HTR7: variants seen among roughly 807,000 people sequenced by gnomAD.
The protein encoded by HTR7 is 5-HT-7.
A neutral mutation model predicts 34.0 loss-of-function variants in HTR7; 16 were observed. That is an observed-to-expected ratio of 0.47 (90% CI 0.32 to 0.71). The LOEUF is 0.71. HTR7 is among the 30% of genes least tolerant of loss of function. The probability of loss-of-function intolerance (pLI) is 0.04; values close to 1 mark genes in which losing one functional copy is unlikely to be tolerated. For missense variants in HTR7, 504 were observed against 625.5 expected (o/e 0.81, Z 2.07); for synonymous variants, 265 against 260.2 (o/e 1.02, Z -0.18).
chr10:90,750,027 C>G (rs1589434869), intron 1 of HTR7, among the ~76,000 whole-genome samples: 2 of 152,328 alleles, frequency 1.3e-5, no homozygotes, highest in East Asian at 3.9e-4. Context: ...GTGATCACCC[C>G]AGCTGTCTTA....
Position 90,857,505 on chromosome 10 carries a change from G to T in HTR7, c.167C>A (p.Pro56Gln). 1.2e-6 allele frequency: 2 copies of T among 1,612,252 alleles called. No homozygotes were observed. The highest frequency in any genetic ancestry group is 1.7e-6 in the Non-Finnish European group (2 of 1,179,658). Residue 56 changes from proline (P) to glutamine (Q), a missense_variant, in exon 1 of 4, where the codon CCG (proline) becomes CAG (glutamine). Physicochemically the swap from Pro to Gln is moderately conservative, Grantham distance 76. This residue lies in a region of HTR7 where 139 missense variants were observed against 117.1 expected (regional missense o/e 1.19). Coordinates refer to ENST00000336152, the MANE Select transcript of HTR7 (RefSeq NM_019859.4). The surrounding 1 kb of genome is among the most constrained non-coding windows in gnomAD (Gnocchi z 6.5). ...PHLLSEVTASPAPTWDAPPDN... is the reference protein window; with the variant it reads ...PHLLSEVTASQAPTWDAPPDN... Reference sequence around the variant, plus strand: ...CGGGGGCGCGTCCCAGGTGGGCGCCGGGCTGGCTGTCACCTCGCTCAGCAG... The same window carrying T: ...CGGGGGCGCGTCCCAGGTGGGCGCCTGGCTGGCTGTCACCTCGCTCAGCAG...
At chr10:90,744,590 G>T in intron 2 of HTR7, among the ~76,000 whole-genome samples, 1 of 112,000 alleles carries the variant, frequency 8.9e-6, no homozygotes, top group South Asian at 3.5e-4. Flanking sequence ...GGGGTGGGCG[G>T]GGGGTTGCTG....
chr10:90,803,141 G>GC (rs1845655692), intron 1 of HTR7, among the ~76,000 whole-genome samples: 1 of 151,566 alleles, frequency 6.6e-6, no homozygotes, highest in Non-Finnish European at 1.5e-5. Context: ...AGATACCAAA[G>GC]CAAGTCTTAG....
chr10:90,855,915 A>G (rs1846572254), intron 1 of HTR7, among the ~76,000 whole-genome samples: 1 of 152,142 alleles, frequency 6.6e-6, no homozygotes, highest in African/African-American at 2.4e-5. Context: ...TATTTCCTTT[A>G]TTTAGTAATT....
In HTR7 at chr10:90,780,686, G is replaced by A. The variant is rs1272923644; in HGVS notation, c.540-31092C>T. ...GTGAGAGGCACAACACCACAGGGCAGTGGAACAGACCCACACTCACACACA... is the reference window on the plus strand; with the variant it reads ...GTGAGAGGCACAACACCACAGGGCAATGGAACAGACCCACACTCACACACA... On this transcript the variant is annotated intron_variant, in intron 1 of 3. Transcript: ENST00000336152. 2.0e-5 allele frequency among the ~76,000 whole-genome samples: 3 copies of A among 152,190 alleles called. No homozygotes were observed. In the South Asian group the frequency reaches 6.2e-4, roughly 31 times the overall value.
chr10:90,812,556 C>T (rs1845829890), intron 1 of HTR7, among the ~76,000 whole-genome samples: 3 of 152,184 alleles, frequency 2.0e-5, no homozygotes, highest in African/African-American at 7.2e-5. Flanking sequence ...AAAACCATAT[C>T]CAGGCCATCA....
chr10:90,772,479 C>T (rs373563948), intron 1 of HTR7, among the ~76,000 whole-genome samples: 5 of 152,154 alleles, frequency 3.3e-5, no homozygotes, highest in African/African-American at 9.7e-5. Context: ...CACACAAGTT[C>T]GGTTCAAAGG....
intron 1 of HTR7, among the ~76,000 whole-genome samples, chr10:90,771,981 TA>T (rs2119820904): frequency 6.6e-6 from 1 of 152,244 alleles, no homozygotes; most frequent in African/African-American, 2.4e-5. Context: ...TTTTTTAAAA[TA>T]ACTTTTTTTT....
chr10:90,788,264 A>G (rs1462472492), intron 1 of HTR7, among the ~76,000 whole-genome samples: 1 of 152,116 alleles, frequency 6.6e-6, no homozygotes, highest in Non-Finnish European at 1.5e-5. Context: ...ATTTACCAAA[A>G]ACGAAACACC....
chr10:90,745,594 A>G (rs1440884471), intron 2 of HTR7, among the ~76,000 whole-genome samples: 2 of 152,232 alleles, frequency 1.3e-5, no homozygotes, highest in Non-Finnish European at 2.9e-5. Context: ...TCCTCAATGC[A>G]TGGCAGCCAT....
intron 1 of HTR7, among the ~76,000 whole-genome samples, chr10:90,834,686 A>G (rs544790085): frequency 3.9e-5 from 6 of 152,270 alleles, no homozygotes; most frequent in Admixed American, 3.9e-4. Context: ...TCATTGTCCA[A>G]TGAGGGCTTC....
Position 90,743,630 on chromosome 10 carries a change from C to T in HTR7, c.1356G>A (p.Trp452Ter). 6.2e-7 allele frequency: 1 copy of T among 1,613,998 alleles called. No individual in the cohort carries two copies. Among genetic ancestry groups the T allele is most frequent in the East Asian group, 2.2e-5 (1 of 44,884 alleles). Reference sequence around the variant, plus strand: ...TGTGATGGTCTGGAGATTGTAGCACCCACACAGATACCGGTGGCCTCTTTT... The same window carrying T: ...TGTGATGGTCTGGAGATTGTAGCACTCACACAGATACCGGTGGCCTCTTTT... ...RPEKRPPVSV[W>*]VLQSPDHHNW... is the part of the protein sequence containing the mutation. Residue 452 changes from tryptophan (W) to a stop codon, truncating the protein, a stop_gained, in exon 3 of 4, where the codon TGG becomes TGA. Transcript: ENST00000336152. LOFTEE classifies it high-confidence loss of function.
chr10:90,810,419 A>ATCC (rs1845787669), intron 1 of HTR7, among the ~76,000 whole-genome samples: 1 of 152,094 alleles, frequency 6.6e-6, no homozygotes, highest in African/African-American at 2.4e-5. Context: ...CCAGTATCCC[A>ATCC]TCCCACAGCA....
chr10:90,743,630 CCA>C lies in HTR7; in HGVS notation c.1354_1355del (p.Trp452GlyfsTer27). On this transcript the variant is annotated frameshift_variant, in exon 3 of 4. Coordinates refer to ENST00000336152, the MANE Select transcript of HTR7 (RefSeq NM_019859.4). LOFTEE classifies it high-confidence loss of function. ...TGTGATGGTCTGGAGATTGTAGCACCCACACAGATACCGGTGGCCTCTTTTCT... is the reference window on the plus strand; with the variant it reads ...TGTGATGGTCTGGAGATTGTAGCACCCACAGATACCGGTGGCCTCTTTTCT... ...RPEKRPPVSVWVLQSPDHHNW... is the reference protein window; with the variant it reads ...RPEKRPPVSVXVLQSPDHHNW... 3 of 1,613,998 alleles carry C rather than the reference CCA, an allele frequency of 1.9e-6. No homozygotes were observed. The highest frequency in any genetic ancestry group is 2.5e-6 in the Non-Finnish European group (3 of 1,179,906).
At chr10:90,781,621 A>T (rs1275861697) in intron 1 of HTR7, among the ~76,000 whole-genome samples, 1 of 152,202 alleles carries the variant, frequency 6.6e-6, no homozygotes, top group Non-Finnish European at 1.5e-5. Context: ...GGAAATAAAA[A>T]ATCTGATTTC....
intron 1 of HTR7, among the ~76,000 whole-genome samples, chr10:90,819,127 T>C (rs1028408565): frequency 2.6e-5 from 4 of 152,096 alleles, no homozygotes. Context: ...ACACATAAAT[T>C]AGCCAGTCTC....
rs917548532 is a variant in HTR7 at position 90,748,971 on chromosome 10, T to C, written c.1163A>G (p.Asn388Ser). 6.2e-7 allele frequency: 1 copy of C among 1,614,176 alleles called. No individual in the cohort carries two copies. Among genetic ancestry groups the C allele is most frequent in the Non-Finnish European group, 8.5e-7 (1 of 1,180,018 alleles). Reference sequence around the variant, plus strand: ...GCGATAGGTGGTCCTCAGGTCCCGGTTGAAGAAGGCATATATAAAAGGGTT... The same window carrying C: ...GCGATAGGTGGTCCTCAGGTCCCGGCTGAAGAAGGCATATATAAAAGGGTT... The part of the protein sequence containing the change: ...LINPFIYAFF[N>S]RDLRTTYRSL... The change falls in exon 2 of 4, where the codon AAC becomes AGC. Residue 388 changes from asparagine (N) to serine (S), a missense_variant. Transcript: ENST00000336152.
intron 1 of HTR7, among the ~76,000 whole-genome samples, chr10:90,839,663 C>T (rs145647564): frequency 1.4e-4 from 21 of 152,046 alleles, no homozygotes; most frequent in African/African-American, 4.6e-4. Context: ...TACTTTAACA[C>T]GCAACATCAG....
At chr10:90,777,868 A>G (rs1176464003) in intron 1 of HTR7, among the ~76,000 whole-genome samples, 1 of 152,212 alleles carries the variant, frequency 6.6e-6, no homozygotes, top group Non-Finnish European at 1.5e-5. Context: ...AGTATGAGAG[A>G]TCAAAATCTG....
Sources: gnomAD v4.1 joint callset for allele counts (sites outside exome capture counted in the v4.1 genomes callset) on GRCh38, gnomAD v4.1.1 for gene constraint, gnomAD v4.1.1 regional missense constraint, Gnocchi (gnomAD v3.1) non-coding constraint, MANE v1.5 for transcripts, NCBI Gene and HGNC (gene_info 2026-07-23, HGNC 2026-07-21) for gene names.